MAGI2: variants seen among roughly 807,000 people sequenced by gnomAD.
MAGI2 encodes membrane-associated guanylate kinase, WW and PDZ domain-containing protein 2.
Under a neutral mutation model 133.3 loss-of-function variants are expected in MAGI2, and 35 were observed. That is an observed-to-expected ratio of 0.26 (90% CI 0.20 to 0.35). The LOEUF is 0.35. MAGI2 is among the 10% of genes least tolerant of loss of function. MAGI2 has a pLI of 1.00. For synonymous variants in MAGI2, 729 were observed against 710.6 expected (o/e 1.03, Z -0.41); for missense variants, 1,636 against 1,863.4 (o/e 0.88, Z 2.25).
At chr7:79,154,868 C>CA (rs1562946521) in intron 1 of MAGI2, among the ~76,000 whole-genome samples, 1 of 152,052 alleles carries the variant, frequency 6.6e-6, no homozygotes, top group Non-Finnish European at 1.5e-5. Flanking sequence ...CTCTTGCAAA[C>CA]AAACAAAACA....
intron 1 of MAGI2, among the ~76,000 whole-genome samples, chr7:79,077,667 T>C (rs1391185735): frequency 7.4e-6 from 1 of 134,846 alleles, no homozygotes; most frequent in Admixed American, 7.7e-5. Flanking sequence ...AATGGAAAAA[T>C]ACAGAGAAGC....
intron 21 of MAGI2, 62 bp downstream of exon 21, chr7:78,078,885 C>T (rs772546469): frequency 6.2e-7 from 1 of 1,600,482 alleles, no homozygotes; most frequent in African/African-American, 1.3e-5. Context: ...TTATAAATAA[C>T]CATAAGCATT....
chr7:78,295,728 T>C (rs544658219), intron 9 of MAGI2, among the ~76,000 whole-genome samples: 17 of 152,298 alleles, frequency 1.1e-4, no homozygotes, highest in South Asian at 2.1e-4. Flanking sequence ...TCATCTATTA[T>C]GTCAGTAGCC....
intron 2 of MAGI2, among the ~76,000 whole-genome samples, chr7:78,694,027 T>A (rs947104759): frequency 6.6e-6 from 1 of 152,072 alleles, no homozygotes; most frequent in Non-Finnish European, 1.5e-5. Context: ...AACAGACAGA[T>A]TTAAGGGCAG....
At chr7:79,028,361 A>T (rs527925938) in intron 1 of MAGI2, among the ~76,000 whole-genome samples, 4 of 144,896 alleles carry the variant, frequency 2.8e-5, no homozygotes, top group Admixed American at 2.1e-4. Flanking sequence ...ACACATACAC[A>T]CACACACACA....
intron 6 of MAGI2, among the ~76,000 whole-genome samples, chr7:78,389,433 A>G (rs568840387): frequency 1.3e-5 from 2 of 152,336 alleles, no homozygotes; most frequent in Admixed American, 1.3e-4. Flanking sequence ...GATAGGGAGC[A>G]TATCTTACTC....
intron 2 of MAGI2, among the ~76,000 whole-genome samples, chr7:78,832,889 G>A (rs1296669134): frequency 3.3e-5 from 5 of 152,250 alleles, no homozygotes; most frequent in Non-Finnish European, 2.9e-5. Flanking sequence ...AAAGGCAGAT[G>A]TTCATAGCTC....
Position 79,153,581 on chromosome 7 carries a change from T to A in MAGI2, c.302-146375A>T, listed in dbSNP as rs369471242. On this transcript the variant is annotated intron_variant, in intron 1 of 21. Transcript: ENST00000354212. ...TAACTACGTGAAAATGAAGTAAAAATGCATTCCTCTGAAGGTGAGTTACGG... is the reference window on the plus strand; with the variant it reads ...TAACTACGTGAAAATGAAGTAAAAAAGCATTCCTCTGAAGGTGAGTTACGG... Among the ~76,000 whole-genome samples the A allele has an allele frequency of 3.4e-4, 51 of 152,154 alleles. No individual in the cohort carries two copies. The East Asian group carries it at 8.1e-3, about 24-fold the overall frequency.
intron 9 of MAGI2, among the ~76,000 whole-genome samples, chr7:78,261,563 A>T (rs1340582442): frequency 6.6e-6 from 1 of 152,174 alleles, no homozygotes; most frequent in Non-Finnish European, 1.5e-5. Context: ...CACTGAATAA[A>T]GGATGGAAAG....
At chr7:78,690,880 C>T (rs1816885062) in intron 2 of MAGI2, among the ~76,000 whole-genome samples, 1 of 152,150 alleles carries the variant, frequency 6.6e-6, no homozygotes, top group Admixed American at 6.5e-5. Flanking sequence ...ATCAGAATTC[C>T]TTCCCGATCT....
intron 1 of MAGI2, among the ~76,000 whole-genome samples, chr7:79,418,097 A>T (rs1258711866): frequency 1.3e-5 from 2 of 152,134 alleles, no homozygotes; most frequent in East Asian, 1.9e-4. Context: ...AGTAATAAGA[A>T]ATTAATCGTG....
intron 1 of MAGI2, among the ~76,000 whole-genome samples, chr7:79,234,449 G>T (rs1831690782): frequency 1.3e-5 from 2 of 151,482 alleles, no homozygotes; most frequent in Admixed American, 6.6e-5. Context: ...ACGTAGATTT[G>T]GTCTTTTCAC....
chr7:78,038,544 A>G (rs1044471382), intron 21 of MAGI2, among the ~76,000 whole-genome samples: 4 of 150,784 alleles, frequency 2.7e-5, no homozygotes, highest in African/African-American at 9.8e-5. Context: ...TCCTCTGTGG[A>G]CCACATCACC....
chr7:78,531,459 G>A (rs1413166865), intron 3 of MAGI2, among the ~76,000 whole-genome samples: 4 of 152,072 alleles, frequency 2.6e-5, no homozygotes, highest in African/African-American at 9.7e-5. Flanking sequence ...TGATCTGCCT[G>A]CTTTGGACTC....
chr7:78,683,340 T>C (rs1815903061), intron 2 of MAGI2, among the ~76,000 whole-genome samples: 1 of 152,134 alleles, frequency 6.6e-6, no homozygotes, highest in Non-Finnish European at 1.5e-5. Context: ...AGGGTTTGCA[T>C]ACATGTCAGG....
At chr7:79,318,415 G>A (rs1006646015) in intron 1 of MAGI2, among the ~76,000 whole-genome samples, 8 of 152,146 alleles carry the variant, frequency 5.3e-5, no homozygotes, top group Non-Finnish European at 1.0e-4. Flanking sequence ...CACAATGTAA[G>A]TTGATTGATA....
chr7:78,547,611 G>A (rs1051258896), intron 3 of MAGI2, among the ~76,000 whole-genome samples: 11 of 152,222 alleles, frequency 7.2e-5, no homozygotes, highest in African/African-American at 2.7e-4. Flanking sequence ...GTGTAAAGGA[G>A]GAACCACCTT....
At chr7:78,382,674 G>A (rs1208521090) in intron 6 of MAGI2, among the ~76,000 whole-genome samples, 1 of 151,928 alleles carries the variant, frequency 6.6e-6, no homozygotes, top group South Asian at 2.1e-4. Context: ...AAGTACAGTC[G>A]CCGTACTCTA....
intron 3 of MAGI2, among the ~76,000 whole-genome samples, chr7:78,581,702 A>G (rs916149237): frequency 2.0e-5 from 3 of 152,228 alleles, no homozygotes; most frequent in African/African-American, 4.8e-5. Context: ...GAGAGAAAGC[A>G]TACAAATTTG....
Sources: allele counts gnomAD v4.1 joint callset (sites outside exome capture counted in the v4.1 genomes callset), GRCh38; gene constraint gnomAD v4.1.1; transcripts MANE v1.5; gene names NCBI Gene and HGNC (gene_info 2026-07-23, HGNC 2026-07-21).